Variants in RANBP17 observed in about 807,000 individuals in gnomAD.
RANBP17 encodes ran-binding protein 17.
A neutral mutation model predicts 141.2 loss-of-function variants in RANBP17; 158 were observed. That is an observed-to-expected ratio of 1.12 (90% confidence interval 0.98 to 1.28). The LOEUF is 1.28. RANBP17 is among the 50% of genes most tolerant of loss of function. The pLI is 0.00. For synonymous variants in RANBP17, 430 were observed against 450.0 expected, an observed-to-expected ratio of 0.96 and a Z score of 0.56; for missense variants, 1,438 against 1,290.7, an observed-to-expected ratio of 1.11 and a Z score of -1.75.
chr5:171,066,345 A>G (rs1466150722), intron 14 of RANBP17, among the ~76,000 whole-genome samples: 1 of 152,164 alleles, frequency 6.6e-6, no homozygotes. Flanking sequence ...AGTCCCTGGT[A>G]ACCACTATTC....
chr5:171,028,528 A>T (rs1444694876), intron 14 of RANBP17, among the ~76,000 whole-genome samples: 1 of 152,190 alleles, frequency 6.6e-6, no homozygotes, highest in East Asian at 1.9e-4. Context: ...GACATCTTCC[A>T]TATCTAACCT....
intron 14 of RANBP17, among the ~76,000 whole-genome samples, chr5:171,012,860 T>TA (rs1234368539): frequency 6.6e-6 from 1 of 152,198 alleles, no homozygotes; most frequent in Non-Finnish European, 1.5e-5. Flanking sequence ...TGCTTGCAGA[T>TA]ACGATCAAAT....
At chr5:170,890,138 C>T (rs1463579014) in intron 3 of RANBP17, among the ~76,000 whole-genome samples, 1 of 152,016 alleles carries the variant, frequency 6.6e-6, no homozygotes, top group African/African-American at 2.4e-5. Flanking sequence ...TTTGAGATTA[C>T]CCTCCTCCTA....
intron 16 of RANBP17, among the ~76,000 whole-genome samples, chr5:171,173,547 A>G (rs1418226271): frequency 6.6e-6 from 1 of 151,922 alleles, no homozygotes; most frequent in Non-Finnish European, 1.5e-5. Flanking sequence ...GATGAACCTT[A>G]CTCAGTGTTT....
At chr5:171,252,323 G>A (rs1353110746) in intron 24 of RANBP17, 10 of 1,543,356 alleles carry the variant, frequency 6.5e-6, no homozygotes, top group African/African-American at 2.7e-5. Context: ...GACCCAATGC[G>A]GGTTCATGAG....
At chr5:171,093,215 C>CCAA (rs1554096760) in intron 14 of RANBP17, among the ~76,000 whole-genome samples, 5 of 150,240 alleles carry the variant, frequency 3.3e-5, no homozygotes, top group African/African-American at 1.2e-4. Context: ...AGTCTCCCCC[C>CCAA]AAAAAAAAAA....
In RANBP17 at chr5:170,911,941, CCAGGATCTTCTCTACCACCTGTG is replaced by C. The variant is rs1195792899; in HGVS notation, c.760+811_760+833del. ...TCTGTACTCTGAACAGTTAAACTCT[CCAGGATCTTCTCTACCACCTGTG>C]CAGCTAGGTGACTGCCTTTTCCTCC... is the stretch of plus-strand genomic sequence containing the variant. On this transcript the variant is annotated intron_variant, in intron 7 of 27. Coordinates refer to ENST00000523189, the MANE Select transcript of RANBP17 (RefSeq NM_022897.5). Among the ~76,000 whole-genome samples the C allele has an allele frequency of 2.0e-5, 3 of 151,968 alleles. No homozygotes were observed. In the East Asian group the frequency reaches 5.8e-4, roughly 29 times the overall value.
Position 171,169,593 on chromosome 5 carries a change from G to A in RANBP17, c.1711-537G>A, listed in dbSNP as rs560828742. ...ATTTCAGTGTCAACATGAAAAGTAA[G>A]ACGTACCTGTATATTTGGGGAAGCT... On this transcript the variant is annotated intron_variant, in intron 14 of 27. Transcript: ENST00000523189. Among the ~76,000 whole-genome samples, 8 of 152,272 alleles carry A rather than the reference G, an allele frequency of 5.3e-5. No individual in the cohort carries two copies. In the South Asian group the frequency reaches 1.7e-3, roughly 32 times the overall value.
chr5:171,183,677 C>T (rs1339764343), intron 18 of RANBP17, among the ~76,000 whole-genome samples: 1 of 152,204 alleles, frequency 6.6e-6, no homozygotes, highest in Non-Finnish European at 1.5e-5. Context: ...TCACAGCTTA[C>T]TTTCTGCCTA....
chr5:171,194,464 G>A (rs1048379871), intron 18 of RANBP17, among the ~76,000 whole-genome samples: 1 of 152,114 alleles, frequency 6.6e-6, no homozygotes, highest in African/African-American at 2.4e-5. Context: ...CATACAATTT[G>A]TGGCCTCTGT....
intron 14 of RANBP17, among the ~76,000 whole-genome samples, chr5:171,058,702 A>G (rs372987379): frequency 2.0e-5 from 3 of 150,142 alleles, no homozygotes; most frequent in Non-Finnish European, 3.0e-5. Context: ...GGGTCAAATG[A>G]TATTTCTAGT....
chr5:170,882,503 A>C (rs1768795794), intron 3 of RANBP17, among the ~76,000 whole-genome samples: 1 of 152,106 alleles, frequency 6.6e-6, no homozygotes, highest in East Asian at 1.9e-4. Flanking sequence ...ACAAATGAGG[A>C]AGTTAGATTT....
chr5:171,164,502 G>A (rs1759545147), intron 14 of RANBP17, among the ~76,000 whole-genome samples: 1 of 151,346 alleles, frequency 6.6e-6, no homozygotes, highest in African/African-American at 2.4e-5. Flanking sequence ...GGCAATATTT[G>A]TCATTTGATG....
intron 26 of RANBP17, among the ~76,000 whole-genome samples, chr5:171,295,179 A>T (rs956524986): frequency 6.6e-6 from 1 of 152,200 alleles, no homozygotes; most frequent in Non-Finnish European, 1.5e-5. Flanking sequence ...TTGTGCTGAA[A>T]TTAGGCTGTT....
Position 171,265,889 on chromosome 5 carries a change from C to A in RANBP17, c.2943+42C>A, listed in dbSNP as rs763516566. The A allele has an allele frequency of 3.8e-6, 6 of 1,587,912 alleles. No individual in the cohort carries two copies. The South Asian group carries it at 5.7e-5, about 15-fold the overall frequency. ...CACCTGGCTTAAGAAACAAGTGTTC[C>A]CAGAAGCCATACCTGGCCCCGAATT... On this transcript the variant is annotated intron_variant, in intron 25 of 27. Transcript: ENST00000523189.
At chr5:170,948,143 G>A (rs1337830408) in intron 12 of RANBP17, among the ~76,000 whole-genome samples, 1 of 152,182 alleles carries the variant, frequency 6.6e-6, no homozygotes, top group East Asian at 1.9e-4. Flanking sequence ...ATATTAAACT[G>A]TGTGAGTACT....
intron 13 of RANBP17, among the ~76,000 whole-genome samples, chr5:170,959,345 A>T (rs1397595129): frequency 6.6e-6 from 1 of 152,202 alleles, no homozygotes; most frequent in African/African-American, 2.4e-5. Context: ...CACACTTGAG[A>T]CAAATTTCAA....
intron 18 of RANBP17, among the ~76,000 whole-genome samples, chr5:171,184,992 G>C (rs924855982): frequency 1.3e-5 from 2 of 152,054 alleles, no homozygotes; most frequent in African/African-American, 4.8e-5. Context: ...GTGAAACCCT[G>C]TCTCTACGAA....
At chr5:170,964,600 A>C (rs891996280) in intron 13 of RANBP17, among the ~76,000 whole-genome samples, 3 of 151,808 alleles carry the variant, frequency 2.0e-5, no homozygotes, top group African/African-American at 4.8e-5. Flanking sequence ...TCCTGTGTCC[A>C]TGTGTTCCCA....
Sources: gnomAD v4.1 joint callset for allele counts (sites outside exome capture counted in the v4.1 genomes callset) on GRCh38, gnomAD v4.1.1 for gene constraint, MANE v1.5 for transcripts, NCBI Gene and HGNC (gene_info 2026-07-23, HGNC 2026-07-21) for gene names.